Variants in RRP12 observed in about 807,000 individuals in gnomAD.
RRP12 encodes the protein ribosomal RNA processing 12 homolog.
RRP12 carries 78 observed loss-of-function variants against 157.3 expected under a neutral mutation model. The ratio of observed to expected loss-of-function variants is 0.50; its 90% CI spans 0.41 to 0.60. The LOEUF is 0.60. Among genes scored for constraint, RRP12 ranks in the 20% least tolerant of loss-of-function variants. The pLI, the probability that RRP12 is intolerant of heterozygous loss-of-function variation, is 0.00. For missense variants in RRP12, 1,521 were observed against 1,679.9 expected (o/e 0.91, Z 1.65); for synonymous variants, 726 against 670.9 (o/e 1.08, Z -1.27).
At chr10:97,398,353 C>CTTTT (rs58136206) in intron 2 of RRP12, among the ~76,000 whole-genome samples, 1 of 57,540 alleles carries the variant, frequency 1.7e-5, no homozygotes, top group Non-Finnish European at 3.2e-5. Context: ...CGCGCCCGGC[C>CTTTT]TTTTTTTTTT....
At chr10:97,394,923 G>A (rs901442721) in intron 3 of RRP12, among the ~76,000 whole-genome samples, 8 of 150,700 alleles carry the variant, frequency 5.3e-5, no homozygotes, top group African/African-American at 1.7e-4. Flanking sequence ...TGGGAGAACT[G>A]ATTCAGCTCA....
chr10:97,360,289 G>T (rs1425179917), intron 31 of RRP12, among the ~76,000 whole-genome samples: 1 of 152,286 alleles, frequency 6.6e-6, no homozygotes, highest in African/African-American at 2.4e-5. Context: ...GGGTGGGAAG[G>T]AGCTGTGGCT....
chr10:97,389,594 A>C lies in RRP12; in HGVS notation c.753+829T>G, dbSNP rs572987102. ...ACCTCCTGCCCTAAATTTCCAGAGG[A>C]AACAGTGGGGAACCATCACTCACCA... On this transcript the variant is annotated intron_variant, in intron 6 of 33. Coordinates refer to ENST00000370992, the MANE Select transcript of RRP12 (RefSeq NM_015179.4). 3.3e-5 allele frequency among the ~76,000 whole-genome samples: 5 copies of C among 152,226 alleles called. No individual in the cohort carries two copies. In the South Asian group the frequency reaches 1.0e-3, roughly 32 times the overall value.
At chr10:97,365,478 T>G (rs1206757715) in intron 29 of RRP12, among the ~76,000 whole-genome samples, 1 of 152,016 alleles carries the variant, frequency 6.6e-6, no homozygotes, top group Non-Finnish European at 1.5e-5. Flanking sequence ...TTTAACCGTG[T>G]TAGCCAGAAT....
chr10:97,391,573 A>T (rs1322004379), intron 4 of RRP12, among the ~76,000 whole-genome samples: 1 of 152,038 alleles, frequency 6.6e-6, no homozygotes, highest in Admixed American at 6.6e-5. Context: ...CTCTGTCTCA[A>T]AAATAAATAA....
chr10:97,379,670 T>TCAGGTCC lies in RRP12; in HGVS notation c.1627_1633dup (p.Glu545GlyfsTer3). The TCAGGTCC allele has an allele frequency of 6.2e-7, 1 of 1,613,934 alleles. No homozygotes were observed. Among genetic ancestry groups the TCAGGTCC allele is most frequent in the Non-Finnish European group, 8.5e-7 (1 of 1,179,964 alleles). ...CAAAGGCACAGCCTGCAGCACCACC[T>TCAGGTCC]CAGGTCCCATACTGGTCACCGCAGC... On this transcript the variant is annotated stop_gained and frameshift_variant, in exon 14 of 34. Coordinates refer to ENST00000370992, the MANE Select transcript of RRP12 (RefSeq NM_015179.4). LOFTEE classifies it high-confidence loss of function.
In RRP12 at chr10:97,366,168, G is replaced by T. The variant is rs375300316; in HGVS notation, c.3457C>A (p.Arg1153=). The T allele has an allele frequency of 4.9e-5, 79 of 1,609,560 alleles. No individual in the cohort carries two copies. Among genetic ancestry groups the T allele is most frequent in the Admixed American group, 1.2e-4 (7 of 59,894 alleles). Residue 1153 remains arginine (R), a synonymous_variant, in exon 29 of 34, where the codon CGG becomes AGG. Transcript: ENST00000370992. ...DHGFKVSADG[R]LIIREEADGN... ...TCTGCCTCCTCCCTTATGATCAGCC[G>T]GCCATCGGCGCTCACCTTGAAGCCG...
At chr10:97,363,770 T>C (rs1843902431) in intron 30 of RRP12, 84 bp downstream of exon 30, 6 of 1,229,434 alleles carry the variant, frequency 4.9e-6, no homozygotes, top group South Asian at 1.2e-5. Flanking sequence ...GCAGTTCCAA[T>C]GTCTACGTGT....
chr10:97,365,971 T>A, intron 29 of RRP12, 137 bp downstream of exon 29: 1 of 1,159,140 alleles, frequency 8.6e-7, no homozygotes, highest in Admixed American at 2.2e-5. Context: ...AAAAAAAGTT[T>A]GAGAAACTCA....
chr10:97,373,477 T>C, intron 17 of RRP12, 98 bp downstream of exon 17: 1 of 1,328,422 alleles, frequency 7.5e-7, no homozygotes, highest in Non-Finnish European at 1.0e-6. Flanking sequence ...GAGGTGAGTT[T>C]CTGTGGCTCT....
At chr10:97,372,931 T>C in intron 18 of RRP12, 115 bp downstream of exon 18, 1 of 1,442,444 alleles carries the variant, frequency 6.9e-7, no homozygotes, top group Non-Finnish European at 9.5e-7. Context: ...ACTGCTGGTA[T>C]GTGCTCCAAA....
At chr10:97,388,173 G>C in intron 8 of RRP12, 79 bp downstream of exon 8, 1 of 1,583,908 alleles carries the variant, frequency 6.3e-7, no homozygotes, top group South Asian at 1.1e-5. Context: ...CCCAGGCCCT[G>C]CATTTTGACT....
chr10:97,375,987 G>A (rs1466068238), intron 15 of RRP12, among the ~76,000 whole-genome samples: 3 of 152,020 alleles, frequency 2.0e-5, no homozygotes, highest in African/African-American at 7.2e-5. Flanking sequence ...GCCTGTAGAC[G>A]AAGCTACTCA....
chr10:97,369,518 G>A lies in RRP12; in HGVS notation c.2862C>T (p.Arg954=), dbSNP rs1458432026. The change falls in exon 25 of 34, where the codon CGC becomes CGT. Residue 954 remains arginine, a synonymous_variant. Transcript: ENST00000370992. ...LENVCLLLAS[R]TRDVVKSALG... Reference sequence around the variant, plus strand: ...GTGCAGACTTGACCACGTCACGGGTGCGGGAGGCCAGAAGCAGGCACACAT... The same window carrying A: ...GTGCAGACTTGACCACGTCACGGGTACGGGAGGCCAGAAGCAGGCACACAT... The A allele has an allele frequency of 1.9e-6, 3 of 1,600,820 alleles. No homozygotes were observed. The highest frequency in any genetic ancestry group is 1.1e-5 in the South Asian group (1 of 88,866).
At chr10:97,385,706 G>A (rs922936538) in intron 9 of RRP12, among the ~76,000 whole-genome samples, 189 bp downstream of exon 9, 1 of 152,170 alleles carries the variant, frequency 6.6e-6, no homozygotes, top group Admixed American at 6.5e-5. Context: ...CCCAGCTCCT[G>A]GGGACACTGA....
intron 10 of RRP12, among the ~76,000 whole-genome samples, chr10:97,383,436 C>G (rs986139550): frequency 2.6e-5 from 4 of 152,180 alleles, no homozygotes; most frequent in African/African-American, 9.7e-5. Flanking sequence ...GTTGCTGTGA[C>G]TAGTGAAAGG....
chr10:97,366,391 AC>A, intron 28 of RRP12, 54 bp downstream of exon 28: 1 of 1,563,846 alleles, frequency 6.4e-7, no homozygotes, highest in Non-Finnish European at 8.7e-7. Flanking sequence ...CCACCTGAGA[AC>A]CTGGCACCAT....
At chr10:97,378,044 C>G (rs1007445901) in intron 15 of RRP12, among the ~76,000 whole-genome samples, 7 of 151,978 alleles carry the variant, frequency 4.6e-5, no homozygotes, top group African/African-American at 1.7e-4. Context: ...CTGCCTAAGG[C>G]CTGAGTCTGC....
At chr10:97,368,186 A>G (rs894959789) in intron 25 of RRP12, among the ~76,000 whole-genome samples, 7 of 147,800 alleles carry the variant, frequency 4.7e-5, no homozygotes, top group African/African-American at 1.8e-4. Flanking sequence ...GCGCACCACC[A>G]TGCCTGGCTA....
Sources: allele counts gnomAD v4.1 joint callset (sites outside exome capture counted in the v4.1 genomes callset), GRCh38; gene constraint gnomAD v4.1.1; transcripts MANE v1.5; gene names NCBI Gene and HGNC (gene_info 2026-07-23, HGNC 2026-07-21).